The following CCND3 variants were observed in gnomAD, a reference collection of about 807,000 sequenced individuals.
The protein encoded by CCND3 is cyclin D3, also known as G1/S-specific cyclin-D3.
A neutral mutation model predicts 28.7 loss-of-function variants in CCND3; 9 were observed. The observed-to-expected ratio is 0.31, with a 90% CI of 0.19 to 0.55. The LOEUF is 0.55. Among genes scored for constraint, CCND3 ranks in the 20% least tolerant of loss-of-function variants. CCND3 has a pLI of 0.93. For synonymous variants in CCND3, 164 were observed against 163.9 expected, an observed-to-expected ratio of 1.00 and a Z score of 0.00; for missense variants, 315 against 385.8, an observed-to-expected ratio of 0.82 and a Z score of 1.54.
chr6:42,037,161 C>T (rs377031426), intron 1 of CCND3, among the ~76,000 whole-genome samples: 3 of 151,818 alleles, frequency 2.0e-5, no homozygotes, highest in South Asian at 2.1e-4. Context: ...AGGATGGTCT[C>T]GATCTCCTGA....
chr6:41,998,580 G>T (rs982827844), intron 1 of CCND3, among the ~76,000 whole-genome samples: 6 of 151,616 alleles, frequency 4.0e-5, no homozygotes, highest in African/African-American at 1.5e-4. Flanking sequence ...CGCCTGCCTC[G>T]GTCTCCTAAA....
chr6:41,975,028 A>G (rs9369317), intron 1 of CCND3, among the ~76,000 whole-genome samples: 151,420 of 152,068 alleles, frequency 1, 75,390 homozygotes, highest in Middle Eastern at 1. Flanking sequence ...TCCTGACCTC[A>G]TGATCCACCT....
chr6:41,977,268 T>C (rs1762210745), intron 1 of CCND3, among the ~76,000 whole-genome samples: 1 of 152,186 alleles, frequency 6.6e-6, no homozygotes, highest in Non-Finnish European at 1.5e-5. Flanking sequence ...AGTAAGGTTA[T>C]GAGAGAAAAA....
At chr6:42,042,149 T>C (rs978962117) in intron 1 of CCND3, among the ~76,000 whole-genome samples, 2 of 152,132 alleles carry the variant, frequency 1.3e-5, no homozygotes, top group African/African-American at 2.4e-5. Flanking sequence ...CATGAAGCCA[T>C]AGGTGGGATG....
chr6:41,992,524 C>T lies in CCND3; in HGVS notation c.-45-51939G>A, dbSNP rs1173007791. 5.7e-5 allele frequency among the ~76,000 whole-genome samples: 8 copies of T among 141,512 alleles called. No homozygotes were observed. The South Asian group carries it at 1.7e-3, about 29-fold the overall frequency. The allele number at this position is 141,512 out of a possible 152,430, so 92.8% of individuals were successfully genotyped here. A position where few individuals can be genotyped will look rare whatever the true frequency, so the allele number is the denominator to read the frequency against. ...TGCCAGGCTGGAGTGCAGTGGCTCA[C>T]TGCAACCTCCACCTCCCGGGTTCAG... On this transcript the variant is annotated intron_variant, in intron 1 of 4. Coordinates refer to the CCND3 transcript ENST00000372988.
At position 41,940,372 on chromosome 6, in the gene CCND3, G is replaced by A. The variant is rs1308388840; in HGVS notation, c.412C>T (p.Arg138Trp). ...GGTGGGGGGAGTTACACACGCACCC[G>A]CAACTGGCGGGGAGAGACAGCGTGG... ...TDHAVSPRQL[R>W]DWEVLVLGKL... The change falls in exon 2 of 5, where the codon CGG (arginine) becomes TGG (tryptophan). Residue 138 changes from arginine to tryptophan, a missense_variant and splice_region_variant. Coordinates refer to ENST00000372991, the MANE Select transcript of CCND3 (RefSeq NM_001760.5). The A allele has an allele frequency of 1.2e-6, 2 of 1,613,330 alleles. No homozygotes were observed. Among genetic ancestry groups the A allele is most frequent in the Non-Finnish European group, 8.5e-7 (1 of 1,179,340 alleles).
chr6:41,997,553 T>G (rs1762845478), intron 1 of CCND3, among the ~76,000 whole-genome samples: 1 of 151,980 alleles, frequency 6.6e-6, no homozygotes, highest in South Asian at 2.1e-4. Flanking sequence ...TTACAATAAA[T>G]TTTACCTACT....
intron 1 of CCND3, among the ~76,000 whole-genome samples, chr6:42,045,443 C>A (rs905032854): frequency 1.3e-5 from 2 of 152,180 alleles, no homozygotes; most frequent in Admixed American, 1.3e-4. Flanking sequence ...TTAAATGAGA[C>A]AGTACAAGTA....
At chr6:42,025,960 T>C (rs1763863847) in intron 1 of CCND3, among the ~76,000 whole-genome samples, 1 of 152,164 alleles carries the variant, frequency 6.6e-6, no homozygotes, top group African/African-American at 2.4e-5. Context: ...GAGTCAGCAC[T>C]GGACCCACAA....
At position 41,938,410 on chromosome 6, in the gene CCND3, C is replaced by G. The variant is rs1389078428; in HGVS notation, c.415-1016G>C. 1 of 152,280 alleles carries G rather than the reference C, an allele frequency of 6.6e-6. No individual in the cohort carries two copies. Among genetic ancestry groups the G allele is most frequent in the South Asian group, 2.1e-4 (1 of 4,836 alleles). 9.4% of individuals were successfully genotyped at this position (152,280 alleles called of 1,614,324 possible). A position where few individuals can be genotyped will look rare whatever the true frequency, so the allele number is the denominator to read the frequency against. ...CAGCTTAGGTGTCAGCCTCTCAAAT[C>G]AACCCCTACCCTCACAGAGCCCCAG... On this transcript the variant is annotated intron_variant, in intron 2 of 4. Coordinates refer to ENST00000372991, the MANE Select transcript of CCND3 (RefSeq NM_001760.5). This position sits in a 1 kb window ranked among gnomAD's most constrained non-coding sequence, Gnocchi z 4.6.
intron 1 of CCND3, among the ~76,000 whole-genome samples, chr6:42,029,697 C>T (rs1024858382): frequency 2.6e-5 from 4 of 152,020 alleles, no homozygotes; most frequent in Non-Finnish European, 5.9e-5. Context: ...ATTAGCCAGG[C>T]ATGATGGTGC....
At chr6:41,956,195 G>C (rs1354730383) in intron 1 of CCND3, among the ~76,000 whole-genome samples, 1 of 152,108 alleles carries the variant, frequency 6.6e-6, no homozygotes, top group East Asian at 1.9e-4. Flanking sequence ...GGGAAGTTGA[G>C]GCAGGAGAAT....
intron 1 of CCND3, among the ~76,000 whole-genome samples, chr6:41,979,652 T>C (rs1439835384): frequency 3.7e-5 from 1 of 27,014 alleles, no homozygotes; most frequent in African/African-American, 9.3e-5. Context: ...TCTATATATA[T>C]ATATGTATAT....
chr6:41,966,755 C>T (rs1761897707), intron 1 of CCND3, among the ~76,000 whole-genome samples: 1 of 152,126 alleles, frequency 6.6e-6, no homozygotes, highest in South Asian at 2.1e-4. Context: ...TGAGTCATGC[C>T]TCTTCATCCA....
chr6:41,951,560 ACACACACAC>A, intron 1 of CCND3, among the ~76,000 whole-genome samples: 1 of 83,044 alleles, frequency 1.2e-5, no homozygotes, highest in Non-Finnish European at 2.7e-5. Flanking sequence ...ACACACACAC[ACACACACAC>A]ACACACAAAA....
At chr6:41,976,197 C>A (rs1194119377) in intron 1 of CCND3, among the ~76,000 whole-genome samples, 1 of 151,972 alleles carries the variant, frequency 6.6e-6, no homozygotes, top group Non-Finnish European at 1.5e-5. Flanking sequence ...ACTAAAAATA[C>A]AAAAATTAGC....
intron 1 of CCND3, among the ~76,000 whole-genome samples, chr6:41,997,949 TG>T (rs1301355741): frequency 2.0e-5 from 3 of 147,886 alleles, no homozygotes; most frequent in Non-Finnish European, 3.0e-5. Flanking sequence ...CAAGATCAGC[TG>T]GCCAACATGG....
intron 1 of CCND3, among the ~76,000 whole-genome samples, chr6:41,947,510 C>T (rs1240032302): frequency 6.6e-6 from 1 of 152,254 alleles, no homozygotes; most frequent in African/African-American, 2.4e-5. Context: ...AGGCCAAACA[C>T]TTGGTGTCAT....
At chr6:42,031,868 C>T (rs1764056047) in intron 1 of CCND3, among the ~76,000 whole-genome samples, 1 of 148,806 alleles carries the variant, frequency 6.7e-6, no homozygotes, top group Non-Finnish European at 1.5e-5. Context: ...CAGCTCACTG[C>T]AACCTCCGCC....
Sources: allele counts gnomAD v4.1 joint callset (sites outside exome capture counted in the v4.1 genomes callset), GRCh38; gene constraint gnomAD v4.1.1; non-coding constraint Gnocchi (gnomAD v3.1); transcripts MANE v1.5; gene names NCBI Gene and HGNC (gene_info 2026-07-23, HGNC 2026-07-21).